The following PTPRD variants were observed in gnomAD, a reference collection of about 807,000 sequenced individuals.
The protein encoded by PTPRD is protein tyrosine phosphatase receptor type D.
In PTPRD, 34 loss-of-function variants were observed where a neutral mutation model predicts 214.5. The ratio of observed to expected loss-of-function variants is 0.16; its 90% CI spans 0.12 to 0.21. PTPRD has a LOEUF of 0.21. Among genes scored for constraint, PTPRD ranks in the 10% least tolerant of loss-of-function variants. PTPRD has a pLI of 1.00. For missense variants in PTPRD, 2,545 were observed against 2,398.7 expected, an observed-to-expected ratio of 1.06 and a Z score of -1.27; for synonymous variants, 1,128 against 845.7, an observed-to-expected ratio of 1.33 and a Z score of -5.79.
At chr9:9,690,654 G>C (rs780738112) in intron 7 of PTPRD, among the ~76,000 whole-genome samples, 7 of 151,904 alleles carry the variant, frequency 4.6e-5, no homozygotes, top group African/African-American at 1.7e-4. Flanking sequence ...TATATGTTGA[G>C]AGATAGGGGT....
intron 7 of PTPRD, among the ~76,000 whole-genome samples, chr9:9,718,914 C>A (rs2097883871): frequency 6.6e-6 from 1 of 151,930 alleles, no homozygotes; most frequent in East Asian, 1.9e-4. Flanking sequence ...TTAATGGCAG[C>A]CGGAGGCAGA....
intron 7 of PTPRD, among the ~76,000 whole-genome samples, chr9:9,576,971 C>G (rs9408771): frequency 0.37 from 55,959 of 151,802 alleles, 10,820 homozygotes; most frequent in African/African-American, 0.47. Flanking sequence ...ATATTTGAAA[C>G]TGAATATTTT....
intron 12 of PTPRD, among the ~76,000 whole-genome samples, chr9:8,670,072 C>T (rs2097252816): frequency 6.6e-6 from 1 of 151,262 alleles, no homozygotes; most frequent in South Asian, 2.1e-4. Context: ...TATCAAAAAT[C>T]ACTCAGCTCA....
At chr9:10,027,649 A>T (rs1281556150) in intron 4 of PTPRD, among the ~76,000 whole-genome samples, 1 of 152,198 alleles carries the variant, frequency 6.6e-6, no homozygotes, top group Non-Finnish European at 1.5e-5. Context: ...CCTATTGAAA[A>T]ATTTTGAGCA....
chr9:9,857,517 G>A (rs946673911), intron 5 of PTPRD, among the ~76,000 whole-genome samples: 21 of 151,974 alleles, frequency 1.4e-4, no homozygotes, highest in African/African-American at 4.1e-4. Context: ...CTCTGCACAC[G>A]GTGCATTTCT....
rs144570302 is a variant in PTPRD, at chr9:10,476,161, G to C, written c.-599-135144C>G. Among the ~76,000 whole-genome samples the C allele has an allele frequency of 3.8e-3, 584 of 152,154 alleles. 1 individual carries two copies. The highest frequency in any genetic ancestry group is 0.013 in the African/African-American group (533 of 41,518). ...CAGTGAGGCAGGAGAAAGAAATAAA[G>C]GGTATTCAAATGGGAAAAGAGGAAG... On this transcript the variant is annotated intron_variant, in intron 2 of 45. Transcript: ENST00000381196.
At chr9:9,575,369 T>C (rs914209695) in intron 7 of PTPRD, among the ~76,000 whole-genome samples, 12 of 152,142 alleles carry the variant, frequency 7.9e-5, no homozygotes, top group African/African-American at 2.9e-4. Context: ...TTATTATTAT[T>C]GTCTTTAAAT....
rs1291535678 is a variant in PTPRD, at chr9:10,511,966, ACG to A, written c.-600+100430_-600+100431del. 8.0e-3 allele frequency among the ~76,000 whole-genome samples: 472 copies of A among 58,666 alleles called. 13 individuals are homozygous for A. Among genetic ancestry groups the A allele is most frequent in the African/African-American group, 0.02 (429 of 20,966 alleles). The allele number at this position is 58,666 out of a possible 152,430, so 38.5% of individuals were successfully genotyped here. ...TATATACGTGTGTGTATATATATAT[ACG>A]TGTGTGTGTATATATATATACGTGT... On this transcript the variant is annotated intron_variant, in intron 2 of 45. Coordinates refer to ENST00000381196, the MANE Select transcript of PTPRD (RefSeq NM_002839.4).
At chr9:8,499,889 C>A (rs754795111) in intron 24 of PTPRD, 49 bp from the exon 25 acceptor site, 1 of 1,473,562 alleles carries the variant, frequency 6.8e-7, no homozygotes, top group Non-Finnish European at 9.1e-7. Flanking sequence ...TTGTCCCACC[C>A]TATCAGAGCA....
At chr9:9,742,204 T>C (rs2098410677) in intron 6 of PTPRD, among the ~76,000 whole-genome samples, 1 of 152,172 alleles carries the variant, frequency 6.6e-6, no homozygotes, top group South Asian at 2.1e-4. Context: ...ATGTCTTCTT[T>C]TGAGAAGTGT....
intron 3 of PTPRD, among the ~76,000 whole-genome samples, chr9:10,276,360 G>T (rs972435530): frequency 1.3e-5 from 2 of 152,164 alleles, no homozygotes; most frequent in African/African-American, 4.8e-5. Context: ...CAAGGACAAT[G>T]CAAGAGAAAA....
chr9:9,647,376 T>G lies in PTPRD; in HGVS notation c.-286-72595A>C, dbSNP rs565514089. ...ACTGGCTTTCTCCCAGGATAATTTG[T>G]TTTTTTATGCCTTGTATTCTTCTGG... On this transcript the variant is annotated intron_variant, in intron 7 of 45. Coordinates refer to ENST00000381196, the MANE Select transcript of PTPRD (RefSeq NM_002839.4). Among the ~76,000 whole-genome samples the G allele has an allele frequency of 7.5e-5, 6 of 80,518 alleles. No homozygotes were observed. In the East Asian group the frequency reaches 1.7e-3, roughly 23 times the overall value. The allele number at this position is 80,518 out of a possible 152,430, so 52.8% of individuals were successfully genotyped here. A position where few individuals can be genotyped will look rare whatever the true frequency, so the allele number is the denominator to read the frequency against.
intron 34 of PTPRD, chr9:8,437,155 T>G (rs1434204503): frequency 5.1e-6 from 7 of 1,384,278 alleles, no homozygotes; most frequent in Non-Finnish European, 5.9e-6. Flanking sequence ...AGTAGCTTGA[T>G]AGTAAACATA....
chr9:9,369,165 T>G (rs1397492401), intron 9 of PTPRD, among the ~76,000 whole-genome samples: 1 of 152,130 alleles, frequency 6.6e-6, no homozygotes, highest in African/African-American at 2.4e-5. Context: ...CTATCATTGT[T>G]GGACATTTGA....
intron 9 of PTPRD, among the ~76,000 whole-genome samples, chr9:9,244,927 A>G (rs1020452342): frequency 6.6e-6 from 1 of 152,232 alleles, no homozygotes; most frequent in Non-Finnish European, 1.5e-5. Flanking sequence ...AAAGAACTCA[A>G]ACAAATGTAC....
intron 11 of PTPRD, among the ~76,000 whole-genome samples, chr9:8,959,696 T>C (rs2099149006): frequency 1.3e-5 from 2 of 152,042 alleles, no homozygotes; most frequent in Admixed American, 6.6e-5. Flanking sequence ...GAAAGAATCA[T>C]TGAGTATATC....
At chr9:9,379,032 T>C (rs2061494825) in intron 9 of PTPRD, among the ~76,000 whole-genome samples, 1 of 151,616 alleles carries the variant, frequency 6.6e-6, no homozygotes, top group Non-Finnish European at 1.5e-5. Flanking sequence ...ATCAATTATT[T>C]CTTTCATGTT....
At chr9:10,456,293 C>A (rs1235402142) in intron 2 of PTPRD, among the ~76,000 whole-genome samples, 1 of 151,860 alleles carries the variant, frequency 6.6e-6, no homozygotes, top group Admixed American at 6.6e-5. Flanking sequence ...GTTTAAAAAC[C>A]TGATAATAAT....
intron 9 of PTPRD, among the ~76,000 whole-genome samples, chr9:9,196,162 T>C (rs1400256795): frequency 1.3e-5 from 2 of 152,118 alleles, no homozygotes; most frequent in African/African-American, 2.4e-5. Flanking sequence ...AGAATAAATA[T>C]GTGGGGGTAC....
Sources: allele counts gnomAD v4.1 joint callset (sites outside exome capture counted in the v4.1 genomes callset), GRCh38; gene constraint gnomAD v4.1.1; transcripts MANE v1.5; gene names NCBI Gene and HGNC (gene_info 2026-07-23, HGNC 2026-07-21).